HCRTR2: variants seen among roughly 807,000 people sequenced by gnomAD.
The protein encoded by HCRTR2 is hypocretin receptor 2, also known as orexin receptor type 2.
HCRTR2 carries 22 observed loss-of-function variants against 49.0 expected under a neutral mutation model. The observed-to-expected ratio is 0.45, with a 90% CI of 0.32 to 0.64. The LOEUF (loss-of-function observed/expected upper bound fraction) is 0.64. Ranked by LOEUF, HCRTR2 falls within the 30% of genes least tolerant of loss-of-function variation. The probability of loss-of-function intolerance (pLI) is 0.04; values close to 1 mark genes in which losing one functional copy is unlikely to be tolerated. For synonymous variants in HCRTR2, 236 were observed against 205.3 expected (o/e 1.15, Z -1.28); for missense variants, 491 against 559.4 (o/e 0.88, Z 1.23).
intron 1 of HCRTR2, among the ~76,000 whole-genome samples, chr6:55,216,134 A>G (rs558484063): frequency 6.6e-6 from 1 of 152,316 alleles, no homozygotes; most frequent in South Asian, 2.1e-4. Context: ...TAATTCATGA[A>G]TAGATTAATA....
chr6:55,242,621 T>C (rs1212351130), intron 1 of HCRTR2, among the ~76,000 whole-genome samples: 1 of 152,228 alleles, frequency 6.6e-6, no homozygotes, highest in Non-Finnish European at 1.5e-5. Flanking sequence ...TCATAAATTT[T>C]ATAGTCAATT....
chr6:55,236,703 T>TC (rs1366801838), intron 1 of HCRTR2, among the ~76,000 whole-genome samples: 1 of 152,130 alleles, frequency 6.6e-6, no homozygotes, highest in Non-Finnish European at 1.5e-5. Context: ...TGCATTTTTT[T>TC]CTTCCTGCTT....
At position 55,235,462 on chromosome 6, in the gene HCRTR2, ATATT is replaced by A. The variant is rs557332818; in HGVS notation, c.224-13175_224-13172del. Reference sequence around the variant, plus strand: ...AATAACTTCTCTCACTCTTTGGCATATATTTTTGTCCTCTTTTGATATACCCTAA... The same window carrying A: ...AATAACTTCTCTCACTCTTTGGCATATTTGTCCTCTTTTGATATACCCTAA... On this transcript the variant is annotated intron_variant, in intron 1 of 6. Coordinates refer to ENST00000370862, the MANE Select transcript of HCRTR2 (RefSeq NM_001384272.1). Among the ~76,000 whole-genome samples the A allele has an allele frequency of 1.3e-4, 20 of 152,196 alleles. No individual in the cohort carries two copies. In the East Asian group the frequency reaches 3.9e-3, roughly 29 times the overall value.
intron 1 of HCRTR2, among the ~76,000 whole-genome samples, chr6:55,135,591 T>G (rs973068945): frequency 6.6e-6 from 1 of 152,174 alleles, no homozygotes; most frequent in Non-Finnish European, 1.5e-5. Flanking sequence ...AATTTCAAAT[T>G]TGATTAAAGG....
intron 1 of HCRTR2, among the ~76,000 whole-genome samples, chr6:55,166,831 T>G (rs1561993116): frequency 6.6e-6 from 1 of 152,100 alleles, no homozygotes; most frequent in Non-Finnish European, 1.5e-5. Flanking sequence ...ATAGATAAAA[T>G]GTGGCATATC....
At chr6:55,136,541 C>G (rs974257437) in intron 1 of HCRTR2, among the ~76,000 whole-genome samples, 1 of 152,094 alleles carries the variant, frequency 6.6e-6, no homozygotes, top group African/African-American at 2.4e-5. Flanking sequence ...AATAACTCTG[C>G]GTACACTGTG....
rs144259089 is a variant in HCRTR2, at chr6:55,280,206, G to A, written c.984-117G>A. 3.0e-3 allele frequency: 2,132 copies of A among 711,566 alleles called. 33 individuals are homozygous for A. In the African/African-American group the frequency reaches 0.033, roughly 11 times the overall value. The allele number at this position is 711,566 out of a possible 1,614,324, so 44.1% of individuals were successfully genotyped here. On this transcript the variant is annotated intron_variant, in intron 5 of 6. Transcript: ENST00000370862. Reference sequence around the variant, plus strand: ...CAATTATGGGGTCAGAAACCAATCTGTGGTCAATTCCTGCAACTGAAGAGG... The same window carrying A: ...CAATTATGGGGTCAGAAACCAATCTATGGTCAATTCCTGCAACTGAAGAGG...
intron 1 of HCRTR2, among the ~76,000 whole-genome samples, chr6:55,229,071 A>G (rs1255811688): frequency 6.6e-6 from 1 of 152,244 alleles, no homozygotes; most frequent in African/African-American, 2.4e-5. Context: ...CCACAGAACC[A>G]TCACCTCACA....
intron 1 of HCRTR2, among the ~76,000 whole-genome samples, chr6:55,188,793 T>C (rs1160851757): frequency 6.6e-6 from 1 of 152,180 alleles, no homozygotes; most frequent in African/African-American, 2.4e-5. Context: ...AAGAGGCATA[T>C]GCTAAGTCTC....
chr6:55,243,319 TA>T (rs1436073786), intron 1 of HCRTR2, among the ~76,000 whole-genome samples: 1 of 152,170 alleles, frequency 6.6e-6, no homozygotes, highest in African/African-American at 2.4e-5. Flanking sequence ...AGACTAACCA[TA>T]AATTGACTTT....
At chr6:55,157,634 C>G (rs115463469) in intron 1 of HCRTR2, among the ~76,000 whole-genome samples, 5 of 152,172 alleles carry the variant, frequency 3.3e-5, no homozygotes, top group Middle Eastern at 3.2e-3. Context: ...GGGTGGTAAC[C>G]ACATGGGTGC....
intron 1 of HCRTR2, among the ~76,000 whole-genome samples, chr6:55,187,786 C>T (rs1281015282): frequency 7.9e-5 from 11 of 139,260 alleles, no homozygotes; most frequent in African/African-American, 1.1e-4. Flanking sequence ...CTGGCCTTTT[C>T]ATTCCTGAGT....
chr6:55,140,616 C>A (rs1764493029), intron 1 of HCRTR2, among the ~76,000 whole-genome samples: 1 of 152,084 alleles, frequency 6.6e-6, no homozygotes, highest in Non-Finnish European at 1.5e-5. Flanking sequence ...TTAGATTTTA[C>A]AAAATTTTTA....
chr6:55,142,819 A>C (rs572571771), intron 1 of HCRTR2, among the ~76,000 whole-genome samples: 1 of 150,630 alleles, frequency 6.6e-6, no homozygotes, highest in African/African-American at 2.4e-5. Flanking sequence ...CTATACAAGG[A>C]AACACCTATG....
chr6:55,153,388 G>A (rs9357842), intron 1 of HCRTR2, among the ~76,000 whole-genome samples: 5,801 of 152,036 alleles, frequency 0.038, 222 homozygotes, highest in African/African-American at 0.097. Context: ...GCCAACAAAC[G>A]TGTAGCATAT....
intron 6 of HCRTR2, among the ~76,000 whole-genome samples, chr6:55,281,663 G>A (rs1767192855): frequency 6.6e-6 from 1 of 152,032 alleles, no homozygotes; most frequent in Admixed American, 6.6e-5. Flanking sequence ...ATAATTTAAA[G>A]ACAAGGAATA....
At chr6:55,213,056 A>G (rs924330092) in intron 1 of HCRTR2, among the ~76,000 whole-genome samples, 2 of 151,444 alleles carry the variant, frequency 1.3e-5, no homozygotes, top group Non-Finnish European at 2.9e-5. Context: ...GCGAGAAGAA[A>G]GTAAGAGTAC....
intron 4 of HCRTR2, among the ~76,000 whole-genome samples, chr6:55,273,991 A>G (rs1465840676): frequency 6.7e-6 from 1 of 148,922 alleles, no homozygotes; most frequent in Non-Finnish European, 1.5e-5. Flanking sequence ...AAAAAAGAAT[A>G]AATTCTTTTT....
At chr6:55,178,473 C>G (rs533528665) in intron 1 of HCRTR2, among the ~76,000 whole-genome samples, 1 of 152,100 alleles carries the variant, frequency 6.6e-6, no homozygotes, top group Non-Finnish European at 1.5e-5. Flanking sequence ...ATATAATGTA[C>G]GTATACCCTC....
Sources: gnomAD v4.1 joint callset for allele counts (sites outside exome capture counted in the v4.1 genomes callset) on GRCh38, gnomAD v4.1.1 for gene constraint, MANE v1.5 for transcripts, NCBI Gene and HGNC (gene_info 2026-07-23, HGNC 2026-07-21) for gene names.